The following LGALS3 variants were observed in gnomAD, a reference collection of about 807,000 sequenced individuals.
The protein encoded by LGALS3 is galectin-3.
LGALS3 carries 18 observed loss-of-function variants against 20.7 expected under a neutral mutation model. The observed-to-expected ratio is 0.87, with a 90% CI of 0.60 to 1.29. The LOEUF (loss-of-function observed/expected upper bound fraction) is 1.29. Among genes scored for constraint, LGALS3 ranks in the 50% most tolerant of loss-of-function variants. The pLI is 0.00. For missense variants in LGALS3, 315 were observed against 314.7 expected, an observed-to-expected ratio of 1.00 and a Z score of -0.01; for synonymous variants, 112 against 119.6, an observed-to-expected ratio of 0.94 and a Z score of 0.42.
In LGALS3 at chr14:55,135,161, A is replaced by T. The variant is rs548893009; in HGVS notation, c.-4-2209A>T. Reference sequence around the variant, plus strand: ...ACAGAACAAGACCCTGTCTAAAAAAAAAAAAGATGTGCAAAAATATTTTAG... The same window carrying T: ...ACAGAACAAGACCCTGTCTAAAAAATAAAAAGATGTGCAAAAATATTTTAG... On this transcript the variant is annotated intron_variant, in intron 1 of 5. Transcript: ENST00000254301. 7.2e-5 allele frequency among the ~76,000 whole-genome samples: 11 copies of T among 152,162 alleles called. No individual in the cohort carries two copies. The South Asian group carries it at 2.1e-3, about 29-fold the overall frequency.
At position 55,138,176 on chromosome 14, in the gene LGALS3, C is replaced by T. The variant is rs773717150; in HGVS notation, c.150C>T (p.Pro50=). 142 of 1,610,344 alleles carry T rather than the reference C, an allele frequency of 8.8e-5. No individual in the cohort carries two copies. Among genetic ancestry groups the T allele is most frequent in the Non-Finnish European group, 9.0e-5 (106 of 1,178,792 alleles). Residue 50 remains proline (P), a synonymous_variant, in exon 3 of 6, where the codon CCC becomes CCT. Transcript: ENST00000254301. ...SYPGAYPGQA[P]PGAYPGQAPP... The stretch of plus-strand genomic sequence containing the variant: ...CTGGGGCCTACCCCGGGCAGGCACC[C>T]CCAGGGGCTTATCCTGGACAGGCAC...
chr14:55,133,901 T>C (rs1370731512), intron 1 of LGALS3, among the ~76,000 whole-genome samples: 2 of 152,220 alleles, frequency 1.3e-5, no homozygotes, highest in African/African-American at 4.8e-5. Flanking sequence ...GTTAGGACCC[T>C]TTATAAGGCA....
intron 5 of LGALS3, among the ~76,000 whole-genome samples, chr14:55,144,541 G>C (rs1881745573): frequency 6.6e-6 from 1 of 151,756 alleles, no homozygotes; most frequent in African/African-American, 2.4e-5. Flanking sequence ...AAAAAAACCT[G>C]AATAACTTGG....
rs114186444 is a variant in LGALS3, at chr14:55,137,505, T to C, written c.18+114T>C. On this transcript the variant is annotated intron_variant, in intron 2 of 5. Coordinates refer to ENST00000254301, the MANE Select transcript of LGALS3 (RefSeq NM_002306.4). ...CACTCTCCCACTGCGTGGCTTCCCCTGGACTCATTTGTCCAATGAGGGCTT... is the reference window on the plus strand; with the variant it reads ...CACTCTCCCACTGCGTGGCTTCCCCCGGACTCATTTGTCCAATGAGGGCTT... 3,267 of 1,606,372 alleles carry C rather than the reference T, an allele frequency of 2.0e-3. 71 individuals carry two copies. The African/African-American group carries it at 0.039, about 19-fold the overall frequency.
chr14:55,142,748 A>G lies in LGALS3; in HGVS notation c.596A>G (p.Lys199Arg). 2 of 1,609,890 alleles carry G rather than the reference A, an allele frequency of 1.2e-6. No homozygotes were observed. Among genetic ancestry groups the G allele is most frequent in the Non-Finnish European group, 1.7e-6 (2 of 1,176,282 alleles). Residue 199 changes from lysine to arginine, a missense_variant and splice_region_variant, in exon 5 of 6, where the codon AAA (lysine) becomes AGA (arginine). Physicochemically the swap from Lys to Arg is conservative, Grantham distance 26. Transcript: ENST00000254301. ...VFPFESGKPF[K>R]IQVLVEPDHF... Reference sequence around the variant, plus strand: ...CCATTTGAAAGTGGGAAACCATTCAAAGTAAGTTATTGCTACTATTATATA... The same window carrying G: ...CCATTTGAAAGTGGGAAACCATTCAGAGTAAGTTATTGCTACTATTATATA...
rs541007294 is a variant in LGALS3, at chr14:55,129,819, G to A, written c.-5+519G>A. The stretch of plus-strand genomic sequence containing the variant: ...AGATCACGGCCGCGGGGGAGCGAAG[G>A]GACTTCCCAGGACTGCATAGGGCGC... On this transcript the variant is annotated intron_variant, in intron 1 of 5. Transcript: ENST00000254301. The surrounding 1 kb of genome is among the most constrained non-coding windows in gnomAD (Gnocchi z 5.3). Among the ~76,000 whole-genome samples the A allele has an allele frequency of 1.8e-4, 28 of 152,322 alleles. No individual in the cohort carries two copies. Among genetic ancestry groups the A allele is most frequent in the African/African-American group, 6.5e-4 (27 of 41,578 alleles).
rs73271737 is a variant in LGALS3, at chr14:55,140,846, G to A, written c.431+483G>A. Among the ~76,000 whole-genome samples, 1,430 of 152,336 alleles carry A rather than the reference G, an allele frequency of 9.4e-3. 32 individuals are homozygous for A. The highest frequency in any genetic ancestry group is 0.033 in the African/African-American group (1,378 of 41,572). ...TACTATTGGAAGTAGTTTGATTGAT[G>A]AGGTGGGCTAGGATGGGGTGAGGCT... On this transcript the variant is annotated intron_variant, in intron 4 of 5. Transcript: ENST00000254301.
At chr14:55,135,087 G>A (rs984460328) in intron 1 of LGALS3, among the ~76,000 whole-genome samples, 3 of 151,960 alleles carry the variant, frequency 2.0e-5, no homozygotes, top group African/African-American at 4.8e-5. Context: ...CTGGGAGGTG[G>A]AGGCTGCAGT....
chr14:55,142,813 C>A (rs796485248), intron 5 of LGALS3, 64 bp downstream of exon 5: 2 of 1,346,292 alleles, frequency 1.5e-6, no homozygotes, highest in Non-Finnish European at 2.1e-6. Flanking sequence ...ACTCTAAAAC[C>A]CCAAAGCACT....
chr14:55,129,897 G>A lies in LGALS3; in HGVS notation c.-5+597G>A, dbSNP rs1265990178. On this transcript the variant is annotated intron_variant, in intron 1 of 5. Coordinates refer to ENST00000254301, the MANE Select transcript of LGALS3 (RefSeq NM_002306.4). The surrounding 1 kb of genome is among the most constrained non-coding windows in gnomAD (Gnocchi z 5.3). ...CGGCCCCTTTTGAGCATCAGCTGAG[G>A]CTGGACTTGGAGGAGATCTCGCTGT... 6.6e-6 allele frequency among the ~76,000 whole-genome samples: 1 copy of A among 152,234 alleles called. No homozygotes were observed. Among genetic ancestry groups the A allele is most frequent in the Non-Finnish European group, 1.5e-5 (1 of 68,040 alleles).
intron 1 of LGALS3, among the ~76,000 whole-genome samples, chr14:55,133,357 G>A (rs1881288038): frequency 6.6e-6 from 1 of 152,160 alleles, no homozygotes; most frequent in East Asian, 1.9e-4. Context: ...TTCAGGGGAT[G>A]CATTCCAAGA....
intron 1 of LGALS3, among the ~76,000 whole-genome samples, chr14:55,134,512 T>C (rs897951730): frequency 2.6e-5 from 4 of 152,208 alleles, no homozygotes; most frequent in African/African-American, 7.2e-5. Context: ...CAAGATTGTT[T>C]CGTATGGCAT....
Position 55,138,216 on chromosome 14 carries a change from C to T in LGALS3, c.190C>T (p.Pro64Ser). The T allele has an allele frequency of 6.2e-7, 1 of 1,612,852 alleles. No homozygotes were observed. Among genetic ancestry groups the T allele is most frequent in the Non-Finnish European group, 8.5e-7 (1 of 1,179,450 alleles). ...TGGACAGGCACCTCCAGGCGCCTAC[C>T]CTGGAGCACCTGGAGCTTATCCCGG... ...YPGQAPPGAY[P>S]GAPGAYPGAP... The change falls in exon 3 of 6, where the codon CCT (proline) becomes TCT (serine). Residue 64 changes from proline (P) to serine (S), a missense_variant. Physicochemically the swap from Pro to Ser is moderately conservative, Grantham distance 74. Coordinates refer to ENST00000254301, the MANE Select transcript of LGALS3 (RefSeq NM_002306.4).
Position 55,129,383 on chromosome 14 carries a change from A to G in LGALS3, c.-5+83A>G, listed in dbSNP as rs1209128577. The G allele has an allele frequency of 6.6e-6, 1 of 151,676 alleles. No individual in the cohort carries two copies. Among genetic ancestry groups the G allele is most frequent in the African/African-American group, 2.4e-5 (1 of 41,210 alleles). 9.4% of individuals were successfully genotyped at this position (151,676 alleles called of 1,614,324 possible). ...GGGCGCTGCTTGGGGCGCGGTCCGG[A>G]GAGGGTTCGGCTCCCCGGGACCGGG... On this transcript the variant is annotated intron_variant, in intron 1 of 5. Coordinates refer to ENST00000254301, the MANE Select transcript of LGALS3 (RefSeq NM_002306.4). The surrounding 1 kb of genome is among the most constrained non-coding windows in gnomAD (Gnocchi z 5.3).
At chr14:55,143,426 CT>C (rs759161757) in intron 5 of LGALS3, 24,337 of 318,466 alleles carry the variant, frequency 0.076, 99 homozygotes, top group Non-Finnish European at 0.094. Flanking sequence ...CTTAATAGCA[CT>C]TTTTTTTTTT....
chr14:55,130,853 C>T (rs1468942484), intron 1 of LGALS3, among the ~76,000 whole-genome samples: 4 of 151,520 alleles, frequency 2.6e-5, no homozygotes, highest in African/African-American at 9.7e-5. Context: ...GGATTATAGG[C>T]GTGGGCCACT....
At chr14:55,142,145 T>C (rs994392748) in intron 4 of LGALS3, among the ~76,000 whole-genome samples, 3 of 152,224 alleles carry the variant, frequency 2.0e-5, no homozygotes, top group Non-Finnish European at 4.4e-5. Flanking sequence ...AGGTATTTGA[T>C]GGCTGTTAAC....
chr14:55,140,127 C>A, intron 3 of LGALS3, 148 bp from the exon 4 acceptor site: 6 of 513,476 alleles, frequency 1.2e-5, no homozygotes. Flanking sequence ...GGCCCCTGGG[C>A]AAAGTGGCCT....
intron 2 of LGALS3, 105 bp downstream of exon 2, chr14:55,137,496 G>A: frequency 6.2e-7 from 1 of 1,611,498 alleles, no homozygotes. Context: ...CCCACTGCGT[G>A]GCTTCCCCTG....
Sources: allele counts gnomAD v4.1 joint callset (sites outside exome capture counted in the v4.1 genomes callset), GRCh38; gene constraint gnomAD v4.1.1; non-coding constraint Gnocchi (gnomAD v3.1); transcripts MANE v1.5; gene names NCBI Gene and HGNC (gene_info 2026-07-23, HGNC 2026-07-21).